The following CDH18 variants were observed in gnomAD, a reference collection of about 807,000 sequenced individuals.
The protein encoded by CDH18 is cadherin 18.
A neutral mutation model predicts 67.9 loss-of-function variants in CDH18; 31 were observed. That is an observed-to-expected ratio of 0.46 (90% confidence interval 0.34 to 0.62). The LOEUF (loss-of-function observed/expected upper bound fraction) is 0.62, where lower values mean the gene tolerates loss of function less well. CDH18 is among the 20% of genes least tolerant of loss of function. The pLI is 0.01. For missense variants in CDH18, 890 were observed against 975.5 expected (o/e 0.91, Z 1.17); for synonymous variants, 362 against 347.2 (o/e 1.04, Z -0.48).
At chr5:19,562,663 T>C (rs1042964238) in intron 8 of CDH18, among the ~76,000 whole-genome samples, 2 of 152,206 alleles carry the variant, frequency 1.3e-5, no homozygotes, top group African/African-American at 2.4e-5. Flanking sequence ...ATTTGGGCTA[T>C]AGTTTATTTT....
intron 2 of CDH18, among the ~76,000 whole-genome samples, chr5:20,125,079 G>C (rs947843790): frequency 6.6e-6 from 1 of 152,116 alleles, no homozygotes; most frequent in Non-Finnish European, 1.5e-5. Flanking sequence ...AAGTTGTCAG[G>C]GATTCAGTGT....
At chr5:20,546,033 C>T (rs146039788) in intron 1 of CDH18, among the ~76,000 whole-genome samples, 1 of 152,104 alleles carries the variant, frequency 6.6e-6, no homozygotes, top group African/African-American at 2.4e-5. Context: ...AGATACACTA[C>T]ATCATCTCTC....
intron 2 of CDH18, among the ~76,000 whole-genome samples, chr5:20,213,125 A>G (rs988743060): frequency 1.3e-5 from 2 of 152,144 alleles, no homozygotes; most frequent in African/African-American, 4.8e-5. Context: ...TATATACAAC[A>G]CTTACTTAAA....
chr5:19,863,868 G>T (rs932614279), intron 2 of CDH18, among the ~76,000 whole-genome samples: 1 of 152,136 alleles, frequency 6.6e-6, no homozygotes, highest in African/African-American at 2.4e-5. Flanking sequence ...TACCCCATCT[G>T]ACTTCACTTA....
intron 2 of CDH18, among the ~76,000 whole-genome samples, chr5:20,250,969 A>G (rs959825772): frequency 1.3e-5 from 2 of 152,076 alleles, no homozygotes; most frequent in Non-Finnish European, 2.9e-5. Context: ...TCCCCTTTAC[A>G]TTGCATGTAA....
At chr5:20,437,182 A>G (rs1434811006) in intron 1 of CDH18, among the ~76,000 whole-genome samples, 1 of 151,470 alleles carries the variant, frequency 6.6e-6, no homozygotes, top group Admixed American at 6.6e-5. Flanking sequence ...TATTCATTGT[A>G]TGAGGTGAAT....
rs112742101 is a variant in CDH18, at chr5:19,580,672, G to C, written c.1000-8840C>G. On this transcript the variant is annotated intron_variant, in intron 7 of 12. Coordinates refer to ENST00000382275, the MANE Select transcript of CDH18 (RefSeq NM_004934.5). ...TTTAACCTTCACAACACCTGTGTGA[G>C]ATATAATTGTTCCCATCTACAAATG... is the stretch of plus-strand genomic sequence containing the variant. 4.5e-3 allele frequency among the ~76,000 whole-genome samples: 678 copies of C among 151,992 alleles called. 2 individuals are homozygous for C. Among genetic ancestry groups the C allele is most frequent in the Non-Finnish European group, 7.8e-3 (528 of 67,830 alleles).
At chr5:19,986,436 A>G (rs1304776614) in intron 1 of CDH18, among the ~76,000 whole-genome samples, 2 of 151,810 alleles carry the variant, frequency 1.3e-5, no homozygotes, top group Non-Finnish European at 2.9e-5. Flanking sequence ...CTCATTTTCT[A>G]CCTCCCATTG....
At chr5:19,734,931 G>C (rs1341193022) in intron 4 of CDH18, among the ~76,000 whole-genome samples, 1 of 152,128 alleles carries the variant, frequency 6.6e-6, no homozygotes, top group African/African-American at 2.4e-5. Flanking sequence ...AAATTTTAGA[G>C]TCTTTAAGCA....
intron 2 of CDH18, among the ~76,000 whole-genome samples, chr5:20,223,577 A>G (rs967984178): frequency 6.6e-6 from 1 of 152,074 alleles, no homozygotes; most frequent in Admixed American, 6.6e-5. Flanking sequence ...GCAGAATTAT[A>G]TGGTTTGGCT....
At chr5:20,535,168 C>A (rs1367463298) in intron 1 of CDH18, among the ~76,000 whole-genome samples, 1 of 152,096 alleles carries the variant, frequency 6.6e-6, no homozygotes, top group Admixed American at 6.6e-5. Context: ...GAAACCAATT[C>A]CTTATTCATT....
intron 4 of CDH18, among the ~76,000 whole-genome samples, chr5:19,741,258 T>TATGC (rs1561196649): frequency 2.1e-5 from 3 of 143,282 alleles, no homozygotes; most frequent in East Asian, 2.1e-4. Flanking sequence ...TGTATATATG[T>TATGC]ATACATATAT....
chr5:19,651,313 G>GA (rs568584216), intron 5 of CDH18, among the ~76,000 whole-genome samples: 1 of 151,806 alleles, frequency 6.6e-6, no homozygotes, highest in South Asian at 2.1e-4. Flanking sequence ...AAAATTGCTA[G>GA]AAAAAAATCT....
chr5:20,409,277 A>G (rs969286241), intron 1 of CDH18, among the ~76,000 whole-genome samples: 1 of 151,866 alleles, frequency 6.6e-6, no homozygotes, highest in African/African-American at 2.4e-5. Flanking sequence ...TTAGGCCACA[A>G]AACATGTCTT....
At chr5:20,438,314 T>C (rs1749339108) in intron 1 of CDH18, among the ~76,000 whole-genome samples, 1 of 150,816 alleles carries the variant, frequency 6.6e-6, no homozygotes, top group African/African-American at 2.4e-5. Flanking sequence ...TCTCTGAAAA[T>C]AGAATAAATG....
At chr5:20,475,714 T>C (rs1752392705) in intron 1 of CDH18, among the ~76,000 whole-genome samples, 1 of 152,220 alleles carries the variant, frequency 6.6e-6, no homozygotes, top group Admixed American at 6.5e-5. Context: ...TGGTTTTCAT[T>C]TTCTCTAAGA....
At chr5:20,530,010 T>C (rs1046106298) in intron 1 of CDH18, among the ~76,000 whole-genome samples, 2 of 152,026 alleles carry the variant, frequency 1.3e-5, no homozygotes, top group Admixed American at 6.6e-5. Context: ...GGCCAAAAGC[T>C]TCTTAAGCAG....
chr5:19,471,699 C>G lies in CDH18; in HGVS notation c.*1527G>C, dbSNP rs1449949694. ...AACAATTTGAAAAAAAAAGCCCCAC[C>G]CAAATTCTCAGAAATTAGCTTATGA... On this transcript the variant is annotated 3_prime_UTR_variant, in exon 13 of 13. Coordinates refer to ENST00000382275, the MANE Select transcript of CDH18 (RefSeq NM_004934.5). 6.6e-6 allele frequency among the ~76,000 whole-genome samples: 1 copy of G among 151,712 alleles called. No homozygotes were observed. Among genetic ancestry groups the G allele is most frequent in the African/African-American group, 2.4e-5 (1 of 41,312 alleles).
chr5:19,640,918 A>G (rs1372256588), intron 5 of CDH18, among the ~76,000 whole-genome samples: 1 of 151,992 alleles, frequency 6.6e-6, no homozygotes, highest in Non-Finnish European at 1.5e-5. Flanking sequence ...GAAAGATAAT[A>G]TTGACAAACC....
Sources: gnomAD v4.1 joint callset for allele counts (sites outside exome capture counted in the v4.1 genomes callset) on GRCh38, gnomAD v4.1.1 for gene constraint, MANE v1.5 for transcripts, NCBI Gene and HGNC (gene_info 2026-07-23, HGNC 2026-07-21) for gene names.